Variants in BMPR1B observed in about 807,000 individuals in gnomAD.
BMPR1B encodes the protein bone morphogenetic protein receptor type-1B.
A neutral mutation model predicts 59.1 loss-of-function variants in BMPR1B; 12 were observed. That is an observed-to-expected ratio of 0.20 (90% CI 0.13 to 0.33). BMPR1B has a LOEUF of 0.33. BMPR1B is among the 10% of genes least tolerant of loss of function. BMPR1B has a pLI of 1.00. For synonymous variants in BMPR1B, 237 were observed against 207.3 expected (o/e 1.14, Z -1.23); for missense variants, 550 against 610.9 (o/e 0.90, Z 1.05).
chr4:94,864,723 C>T (rs72887852), intron 1 of BMPR1B, among the ~76,000 whole-genome samples: 5,778 of 151,890 alleles, frequency 0.038, 357 homozygotes, highest in African/African-American at 0.13. Flanking sequence ...CCCAATACAA[C>T]GTAAATGTTA....
intron 2 of BMPR1B, among the ~76,000 whole-genome samples, chr4:94,883,148 C>T (rs991633437): frequency 1.3e-5 from 2 of 152,280 alleles, no homozygotes; most frequent in Admixed American, 6.5e-5. Context: ...CACCTCCCTT[C>T]TTCCACTGAT....
intron 2 of BMPR1B, among the ~76,000 whole-genome samples, chr4:94,970,185 G>A (rs1730717958): frequency 6.6e-6 from 1 of 151,940 alleles, no homozygotes; most frequent in African/African-American, 2.4e-5. Context: ...AATATTAATT[G>A]CTGATTTATC....
intron 3 of BMPR1B, among the ~76,000 whole-genome samples, chr4:95,047,408 A>C (rs1347680694): frequency 6.6e-6 from 1 of 152,132 alleles, no homozygotes; most frequent in African/African-American, 2.4e-5. Flanking sequence ...ATTTTATTGA[A>C]TATTTCTGAA....
chr4:94,937,724 A>T (rs1448294657), intron 2 of BMPR1B, among the ~76,000 whole-genome samples: 1 of 151,570 alleles, frequency 6.6e-6, no homozygotes, highest in Non-Finnish European at 1.5e-5. Flanking sequence ...ACACAGACAC[A>T]CACACACACA....
chr4:94,770,364 A>G (rs1377067889), intron 1 of BMPR1B, among the ~76,000 whole-genome samples: 2 of 151,750 alleles, frequency 1.3e-5, no homozygotes, highest in African/African-American at 4.9e-5. Context: ...TGTCATTGTT[A>G]GCTTTTTTGG....
intron 3 of BMPR1B, among the ~76,000 whole-genome samples, chr4:95,032,527 A>G (rs866291273): frequency 6.6e-6 from 1 of 152,016 alleles, no homozygotes; most frequent in Non-Finnish European, 1.5e-5. Flanking sequence ...ACTACTTCCT[A>G]TTTTCCCTCT....
intron 3 of BMPR1B, among the ~76,000 whole-genome samples, chr4:95,007,999 G>A (rs112627607): frequency 7.9e-5 from 12 of 152,230 alleles, no homozygotes; most frequent in African/African-American, 2.4e-4. Context: ...TATAGTGGCA[G>A]AACACCTGTA....
At chr4:95,103,861 A>G (rs1343251389) in intron 3 of BMPR1B, among the ~76,000 whole-genome samples, 2 of 152,068 alleles carry the variant, frequency 1.3e-5, no homozygotes, top group Non-Finnish European at 2.9e-5. Flanking sequence ...TTCTTACCCA[A>G]TTTTACAGAT....
chr4:94,903,494 G>A (rs1273291888), intron 2 of BMPR1B, among the ~76,000 whole-genome samples: 1 of 149,172 alleles, frequency 6.7e-6, no homozygotes, highest in Admixed American at 6.7e-5. Context: ...TTATATTCTT[G>A]TAAAGTTGTA....
At chr4:94,808,863 C>T (rs572168252) in intron 1 of BMPR1B, among the ~76,000 whole-genome samples, 5 of 152,084 alleles carry the variant, frequency 3.3e-5, no homozygotes, top group East Asian at 1.9e-4. Context: ...GAGACCAGCT[C>T]GGCCAACATG....
chr4:94,793,565 C>T (rs62316533), intron 1 of BMPR1B, among the ~76,000 whole-genome samples: 16 of 149,090 alleles, frequency 1.1e-4, no homozygotes, highest in African/African-American at 3.2e-4. Context: ...ATGGTATTTC[C>T]AGTTCTAGAT....
At chr4:94,988,872 G>A (rs6532521) in intron 2 of BMPR1B, among the ~76,000 whole-genome samples, 145,076 of 151,850 alleles carry the variant, frequency 0.96, 69,333 homozygotes, top group Middle Eastern at 0.99. Context: ...TTTGGGAAAA[G>A]AAAAGGATAA....
chr4:95,132,856 A>G (rs1202028591), intron 10 of BMPR1B, among the ~76,000 whole-genome samples: 1 of 152,140 alleles, frequency 6.6e-6, no homozygotes, highest in Non-Finnish European at 1.5e-5. Context: ...GGGCTTGGTC[A>G]CCAGAGGCCT....
At chr4:94,791,375 A>T (rs1002165837) in intron 1 of BMPR1B, among the ~76,000 whole-genome samples, 1 of 152,132 alleles carries the variant, frequency 6.6e-6, no homozygotes, top group South Asian at 2.1e-4. Context: ...GAGCCTGGAG[A>T]TGGTCACTGT....
At chr4:95,122,495 CAATAT>C (rs1368976861) in intron 6 of BMPR1B, among the ~76,000 whole-genome samples, 9 of 151,962 alleles carry the variant, frequency 5.9e-5, no homozygotes, top group Non-Finnish European at 8.8e-5. Flanking sequence ...AATTATGTGT[CAATAT>C]AAAAATCCTG....
At chr4:94,877,850 G>T (rs1453679840) in intron 2 of BMPR1B, among the ~76,000 whole-genome samples, 2 of 152,060 alleles carry the variant, frequency 1.3e-5, no homozygotes, top group Non-Finnish European at 2.9e-5. Context: ...ATTTTTATTA[G>T]TGAAAATAAT....
intron 3 of BMPR1B, among the ~76,000 whole-genome samples, chr4:95,058,442 T>C (rs1255881763): frequency 1.3e-5 from 2 of 152,168 alleles, no homozygotes; most frequent in African/African-American, 2.4e-5. Context: ...TAATGGGAGT[T>C]TTACATATAA....
chr4:95,090,656 A>G (rs1729911461), intron 3 of BMPR1B, among the ~76,000 whole-genome samples: 2 of 152,040 alleles, frequency 1.3e-5, no homozygotes, highest in Admixed American at 6.6e-5. Flanking sequence ...TTTGAGCCCA[A>G]AGTGCTTACA....
chr4:94,880,661 CAG>C (rs1214552663), intron 2 of BMPR1B, among the ~76,000 whole-genome samples: 2 of 109,006 alleles, frequency 1.8e-5, no homozygotes, highest in Non-Finnish European at 3.9e-5. Flanking sequence ...TTTTTTGAGA[CAG>C]AGTTTCACTC....
Sources: allele counts gnomAD v4.1 joint callset (sites outside exome capture counted in the v4.1 genomes callset), GRCh38; gene constraint gnomAD v4.1.1; transcripts MANE v1.5; gene names NCBI Gene and HGNC (gene_info 2026-07-23, HGNC 2026-07-21).